ADAM23: variants seen among roughly 807,000 people sequenced by gnomAD.
The protein encoded by ADAM23 is disintegrin and metalloproteinase domain-containing protein 23.
A neutral mutation model predicts 120.1 loss-of-function variants in ADAM23; 33 were observed. That is an observed-to-expected ratio of 0.27 (90% CI 0.21 to 0.37). The LOEUF is 0.37. Ranked by LOEUF, ADAM23 falls within the 10% of genes least tolerant of loss-of-function variation. The pLI is 1.00. For synonymous variants in ADAM23, 367 were observed against 375.2 expected (o/e 0.98, Z 0.25); for missense variants, 862 against 1,058.2 (o/e 0.81, Z 2.57).
At chr2:206,515,062 TGCCTGTATCTCA>T in intron 3 of ADAM23, among the ~76,000 whole-genome samples, 1 of 152,284 alleles carries the variant, frequency 6.6e-6, no homozygotes, top group East Asian at 1.9e-4. Context: ...CCCCAAGGTA[TGCCTGTATCTCA>T]GTATAGTCGT....
intron 19 of ADAM23, among the ~76,000 whole-genome samples, 191 bp from the exon 20 acceptor site, chr2:206,587,900 G>A (rs960331000): frequency 2.6e-5 from 4 of 152,194 alleles, no homozygotes; most frequent in African/African-American, 9.7e-5. Flanking sequence ...TGTACAATGA[G>A]TTCTGTTTAG....
intron 3 of ADAM23, among the ~76,000 whole-genome samples, chr2:206,498,949 C>A (rs1306237970): frequency 6.6e-6 from 1 of 152,160 alleles, no homozygotes; most frequent in African/African-American, 2.4e-5. Flanking sequence ...CAATGAGATA[C>A]CATCTCACAC....
intron 3 of ADAM23, among the ~76,000 whole-genome samples, chr2:206,492,069 A>C (rs553005439): frequency 4.6e-5 from 7 of 152,308 alleles, no homozygotes; most frequent in Admixed American, 1.3e-4. Flanking sequence ...TTCCCTCATG[A>C]AGCTTATAGA....
intron 10 of ADAM23, among the ~76,000 whole-genome samples, chr2:206,559,305 A>AT (rs1248449334): frequency 3.9e-5 from 6 of 152,170 alleles, no homozygotes; most frequent in Non-Finnish European, 8.8e-5. Flanking sequence ...AAGTTGCTTA[A>AT]TTGTGTGAAT....
intron 24 of ADAM23, among the ~76,000 whole-genome samples, chr2:206,603,961 CAAAAAAA>C (rs556443421): frequency 8.9e-5 from 10 of 112,934 alleles, no homozygotes; most frequent in South Asian, 2.8e-4. Flanking sequence ...AAACTTAAGC[CAAAAAAA>C]AAAAAAAAAA....
intron 6 of ADAM23, 151 bp downstream of exon 6, chr2:206,543,467 T>C: frequency 1.5e-6 from 1 of 650,094 alleles, no homozygotes; most frequent in Non-Finnish European, 2.6e-6. Context: ...TTTTGAAGTT[T>C]TAAGTTGCAC....
intron 19 of ADAM23, among the ~76,000 whole-genome samples, chr2:206,587,580 G>GA (rs5838034): frequency 0.42 from 61,682 of 147,514 alleles, 12,705 homozygotes; most frequent in Non-Finnish European, 0.45. Flanking sequence ...CAGATTAAGA[G>GA]AAAAAAAAAA....
chr2:206,537,349 G>T (rs1697197949), intron 4 of ADAM23, among the ~76,000 whole-genome samples: 1 of 152,042 alleles, frequency 6.6e-6, no homozygotes, highest in Non-Finnish European at 1.5e-5. Flanking sequence ...GTGGCTCCTG[G>T]CTGGGAGGTA....
At chr2:206,449,971 G>C (rs535832704) in intron 2 of ADAM23, among the ~76,000 whole-genome samples, 2 of 152,300 alleles carry the variant, frequency 1.3e-5, no homozygotes, top group South Asian at 4.1e-4. Context: ...AGAGAAGAGA[G>C]AGAAGTTTAA....
chr2:206,458,720 C>T (rs1695352716), intron 2 of ADAM23, among the ~76,000 whole-genome samples: 2 of 152,126 alleles, frequency 1.3e-5, no homozygotes, highest in Admixed American at 1.3e-4. Context: ...AAATAGCACA[C>T]GTTCAGATGA....
At chr2:206,482,169 T>C (rs2105878697) in intron 3 of ADAM23, among the ~76,000 whole-genome samples, 1 of 152,366 alleles carries the variant, frequency 6.6e-6, no homozygotes, top group East Asian at 1.9e-4. Context: ...ATTTTTTGTA[T>C]GCCAAATTCT....
At chr2:206,535,945 C>T (rs534658603) in intron 4 of ADAM23, among the ~76,000 whole-genome samples, 2 of 152,122 alleles carry the variant, frequency 1.3e-5, no homozygotes, top group Non-Finnish European at 2.9e-5. Flanking sequence ...GAATTTTATA[C>T]TTAAAAAGGT....
intron 3 of ADAM23, among the ~76,000 whole-genome samples, chr2:206,501,934 A>T (rs1168002992): frequency 1.3e-5 from 2 of 152,284 alleles, no homozygotes; most frequent in African/African-American, 4.8e-5. Flanking sequence ...TTAGAATTGA[A>T]ATGCAGTAAC....
chr2:206,588,021 A>G, intron 19 of ADAM23, 70 bp from the exon 20 acceptor site: 2 of 1,506,458 alleles, frequency 1.3e-6, no homozygotes, highest in Non-Finnish European at 1.8e-6. Flanking sequence ...CCAGAAGGAG[A>G]CATTGTAGTA....
intron 18 of ADAM23, among the ~76,000 whole-genome samples, chr2:206,579,605 A>G (rs1698183502): frequency 6.6e-6 from 1 of 152,178 alleles, no homozygotes. Flanking sequence ...TTTTTATACC[A>G]GTGCCATGCT....
intron 2 of ADAM23, among the ~76,000 whole-genome samples, chr2:206,458,972 G>A (rs1160567903): frequency 2.6e-5 from 4 of 152,186 alleles, no homozygotes; most frequent in African/African-American, 9.7e-5. Flanking sequence ...TTGGACACTA[G>A]GACAATTGAA....
intron 3 of ADAM23, among the ~76,000 whole-genome samples, chr2:206,510,915 C>G (rs1369486749): frequency 6.6e-6 from 1 of 152,152 alleles, no homozygotes; most frequent in East Asian, 1.9e-4. Flanking sequence ...TTTCCAGGAA[C>G]ATGGTATAGT....
intron 18 of ADAM23, among the ~76,000 whole-genome samples, chr2:206,575,399 T>C (rs186829879): frequency 3.0e-4 from 45 of 152,318 alleles, no homozygotes; most frequent in Admixed American, 2.6e-3. Flanking sequence ...GAGTCTGTCA[T>C]GTGGATTTAT....
intron 3 of ADAM23, among the ~76,000 whole-genome samples, chr2:206,489,152 G>C (rs370567895): frequency 8.5e-5 from 13 of 152,226 alleles, no homozygotes; most frequent in Admixed American, 7.9e-4. Context: ...AGGAGCTGTG[G>C]CTGGGGACAG....
Sources: gnomAD v4.1 joint callset for allele counts (sites outside exome capture counted in the v4.1 genomes callset) on GRCh38, gnomAD v4.1.1 for gene constraint, MANE v1.5 for transcripts, NCBI Gene and HGNC (gene_info 2026-07-23, HGNC 2026-07-21) for gene names.